The following STAG1 variants were observed in gnomAD, a reference collection of about 807,000 sequenced individuals.
The protein encoded by STAG1 is cohesin subunit SA-1.
A neutral mutation model predicts 170.9 loss-of-function variants in STAG1; 26 were observed. That is an observed-to-expected ratio of 0.15 (90% CI 0.11 to 0.21). STAG1 has a LOEUF of 0.21. Among genes scored for constraint, STAG1 ranks in the 10% least tolerant of loss-of-function variants. STAG1 has a pLI of 1.00. For missense variants in STAG1, 964 were observed against 1,509.5 expected, an observed-to-expected ratio of 0.64 and a Z score of 5.99; for synonymous variants, 514 against 497.7, an observed-to-expected ratio of 1.03 and a Z score of -0.44.
chr3:136,515,114 C>G (rs1026726229), intron 7 of STAG1, among the ~76,000 whole-genome samples: 1 of 152,088 alleles, frequency 6.6e-6, no homozygotes, highest in Non-Finnish European at 1.5e-5. Flanking sequence ...CCTGTAATCT[C>G]AGCGCTTTGG....
intron 1 of STAG1, among the ~76,000 whole-genome samples, chr3:136,670,630 CA>C (rs1303232792): frequency 1.3e-5 from 2 of 151,936 alleles, no homozygotes; most frequent in Non-Finnish European, 2.9e-5. Flanking sequence ...GCAGCATTCC[CA>C]GCTTATTTTT....
chr3:136,656,743 C>T (rs1366445452), intron 1 of STAG1, among the ~76,000 whole-genome samples: 3 of 151,778 alleles, frequency 2.0e-5, no homozygotes, highest in African/African-American at 7.3e-5. Context: ...TCAATTACTG[C>T]ATGCCATGAA....
intron 5 of STAG1, among the ~76,000 whole-genome samples, chr3:136,564,373 T>TC (rs200477789): frequency 0.011 from 1,621 of 152,212 alleles, 14 homozygotes; most frequent in African/African-American, 0.024. Context: ...GTGTCTGCTT[T>TC]CCCCCGCCAC....
chr3:136,623,535 T>C (rs1225131894), intron 2 of STAG1, among the ~76,000 whole-genome samples: 4 of 152,174 alleles, frequency 2.6e-5, no homozygotes. Context: ...AAAAGACTAA[T>C]TCTTCAGTAC....
chr3:136,448,566 C>T (rs1217394141), intron 14 of STAG1, among the ~76,000 whole-genome samples: 3 of 152,180 alleles, frequency 2.0e-5, no homozygotes, highest in African/African-American at 7.2e-5. Context: ...CCACCCTTGA[C>T]ACATGGGGAT....
intron 14 of STAG1, among the ~76,000 whole-genome samples, chr3:136,451,676 G>C (rs1021610056): frequency 4.6e-5 from 7 of 151,776 alleles, no homozygotes; most frequent in Non-Finnish European, 8.8e-5. Context: ...GGCAGGACAA[G>C]CCCTTGAATC....
chr3:136,695,010 T>C (rs1250742680), intron 1 of STAG1, among the ~76,000 whole-genome samples: 1 of 152,166 alleles, frequency 6.6e-6, no homozygotes, highest in Admixed American at 6.5e-5. Context: ...GAGAAGTATT[T>C]TGGAGCAAGG....
intron 1 of STAG1, among the ~76,000 whole-genome samples, chr3:136,732,936 G>C (rs1559979113): frequency 2.6e-5 from 4 of 151,966 alleles, no homozygotes; most frequent in Admixed American, 2.6e-4. Context: ...TCTATTGCTA[G>C]CCCTACCTGC....
At position 136,422,938 on chromosome 3, in the gene STAG1, A is replaced by C; in HGVS notation, c.1743+14T>G. The C allele has an allele frequency of 6.3e-7, 1 of 1,591,412 alleles. No homozygotes were observed. Among genetic ancestry groups the C allele is most frequent in the Non-Finnish European group, 8.6e-7 (1 of 1,166,326 alleles). On this transcript the variant is annotated intron_variant, in intron 17 of 33. Coordinates refer to ENST00000383202, the MANE Select transcript of STAG1 (RefSeq NM_005862.3). ...AAACTCAGTGACATAACAAAACTGT[A>C]AATGAAACTGTACCTTTGACAGTAA...
At chr3:136,495,689 C>A (rs1444886191) in intron 9 of STAG1, among the ~76,000 whole-genome samples, 2 of 151,484 alleles carry the variant, frequency 1.3e-5, no homozygotes, top group Non-Finnish European at 2.9e-5. Flanking sequence ...AAAATTAGGG[C>A]CGGGCACGGT....
At chr3:136,630,198 A>T (rs1940276795) in intron 2 of STAG1, among the ~76,000 whole-genome samples, 1 of 152,106 alleles carries the variant, frequency 6.6e-6, no homozygotes, top group African/African-American at 2.4e-5. Context: ...CCATCTCAAA[A>T]GAAAATAAAA....
At chr3:136,487,653 C>T (rs889782118) in intron 9 of STAG1, among the ~76,000 whole-genome samples, 1 of 152,200 alleles carries the variant, frequency 6.6e-6, no homozygotes. Context: ...GATCATAATA[C>T]ATAACATATA....
At chr3:136,524,877 G>A (rs1224513707) in intron 6 of STAG1, among the ~76,000 whole-genome samples, 1 of 152,136 alleles carries the variant, frequency 6.6e-6, no homozygotes, top group East Asian at 1.9e-4. Context: ...CTTTGGTTCT[G>A]TTCATGTGCT....
At chr3:136,341,318 T>A (rs758846472) in intron 31 of STAG1, 123 bp downstream of exon 31, 1 of 655,190 alleles carries the variant, frequency 1.5e-6, no homozygotes, top group Non-Finnish European at 2.7e-6. Flanking sequence ...CTATGCTGCA[T>A]AGCATATCAC....
At chr3:136,671,900 G>C (rs1941991329) in intron 1 of STAG1, among the ~76,000 whole-genome samples, 1 of 151,946 alleles carries the variant, frequency 6.6e-6, no homozygotes, top group Non-Finnish European at 1.5e-5. Flanking sequence ...GAAAGAAAAA[G>C]AAAAAAAGTA....
At chr3:136,456,884 C>T (rs1020636823) in intron 13 of STAG1, among the ~76,000 whole-genome samples, 11 of 152,124 alleles carry the variant, frequency 7.2e-5, no homozygotes, top group Non-Finnish European at 1.2e-4. Context: ...AAGAAAACTG[C>T]TATCCAAGAA....
chr3:136,737,265 G>A, intron 1 of STAG1: 1 of 551,906 alleles, frequency 1.8e-6, no homozygotes, highest in East Asian at 4.0e-5. Context: ...CCCATGCCCA[G>A]TTAATTTTTT....
chr3:136,356,155 G>C (rs1681281314), intron 28 of STAG1, among the ~76,000 whole-genome samples: 2 of 151,430 alleles, frequency 1.3e-5, no homozygotes, highest in Admixed American at 6.6e-5. Context: ...CTCCGGAATA[G>C]CTGGGATTCC....
At chr3:136,737,099 G>A in intron 1 of STAG1, 1 of 917,904 alleles carries the variant, frequency 1.1e-6, no homozygotes, top group South Asian at 1.3e-5. Flanking sequence ...AACCAGGACA[G>A]GTCAGTCTTT....
Sources: allele counts gnomAD v4.1 joint callset (sites outside exome capture counted in the v4.1 genomes callset), GRCh38; gene constraint gnomAD v4.1.1; transcripts MANE v1.5; gene names NCBI Gene and HGNC (gene_info 2026-07-23, HGNC 2026-07-21).